ZNF445: variants seen among roughly 807,000 people sequenced by gnomAD.
ZNF445 encodes zinc finger protein 445, also known as zinc finger protein 168.
A neutral mutation model predicts 93.9 loss-of-function variants in ZNF445; 19 were observed. That is an observed-to-expected ratio of 0.20 (90% CI 0.14 to 0.30). The LOEUF (loss-of-function observed/expected upper bound fraction) is 0.30, where lower values mean the gene tolerates loss of function less well. ZNF445 is among the 10% of genes least tolerant of loss of function. The pLI is 1.00. For synonymous variants in ZNF445, 449 were observed against 446.3 expected (o/e 1.01, Z -0.08); for missense variants, 1,058 against 1,259.4 (o/e 0.84, Z 2.42).
chr3:44,456,384 T>C (rs1698028256), intron 2 of ZNF445, among the ~76,000 whole-genome samples: 1 of 151,868 alleles, frequency 6.6e-6, no homozygotes, highest in African/African-American at 2.4e-5. Context: ...GCCACTGCAC[T>C]CCAGCCTGGG....
rs564397740 is a variant in ZNF445, at chr3:44,440,346, T to C, written c.*6229A>G. 6.6e-6 allele frequency: 1 copy of C among 152,328 alleles called. No homozygotes were observed. The highest frequency in any genetic ancestry group is 1.9e-4 in the East Asian group (1 of 5,188). The allele number at this position is 152,328 out of a possible 1,614,324, so 9.4% of individuals were successfully genotyped here. A position where few individuals can be genotyped will look rare whatever the true frequency, so the allele number is the denominator to read the frequency against. On this transcript the variant is annotated 3_prime_UTR_variant, in exon 8 of 8. Coordinates refer to ENST00000396077, the MANE Select transcript of ZNF445 (RefSeq NM_181489.6). ...TAAAGTAGAATGAAAAACATCTCCA[T>C]CTTCTGGATCCCATTTCTTCATTAA...
rs1368193153 is a variant in ZNF445, at chr3:44,432,297, GT to G, written c.*14277del. 2 of 152,520 alleles carry G rather than the reference GT, an allele frequency of 1.3e-5. No individual in the cohort carries two copies. Among genetic ancestry groups the G allele is most frequent in the Admixed American group, 1.3e-4 (2 of 15,256 alleles). 9.4% of individuals were successfully genotyped at this position (152,520 alleles called of 1,614,324 possible). On this transcript the variant is annotated 3_prime_UTR_variant, in exon 8 of 8. Coordinates refer to ENST00000396077, the MANE Select transcript of ZNF445 (RefSeq NM_181489.6). The stretch of plus-strand genomic sequence containing the variant: ...TCTGTGTGTGTGTGTGTGTGTGTGT[GT>G]GTGTGTGTGTGGATGGAGATAGAGA...
At chr3:44,476,493 A>C (rs370575323) in intron 1 of ZNF445, among the ~76,000 whole-genome samples, 2 of 152,238 alleles carry the variant, frequency 1.3e-5, no homozygotes, top group Admixed American at 6.5e-5. Flanking sequence ...AGACACACAC[A>C]CAACACATGG....
At position 44,451,465 on chromosome 3, in the gene ZNF445, C is replaced by G. The variant is rs1437177028; in HGVS notation, c.447G>C (p.Gln149His). 6.2e-7 allele frequency: 1 copy of G among 1,608,202 alleles called. No individual in the cohort carries two copies. Among genetic ancestry groups the G allele is most frequent in the African/African-American group, 1.3e-5 (1 of 74,824 alleles). ...GTSWRDPGPA[Q>H]SPDVHWMGTG... The stretch of plus-strand genomic sequence containing the variant: ...TACCCATCCAATGCACATCTGGGCT[C>G]TGGGCAGGGCCCGGGTCCTGGCAAG... The change falls in exon 4 of 8, where the codon CAG becomes CAC. Residue 149 changes from glutamine (Q) to histidine (H), a missense_variant. Gln to His is a conservative substitution (Grantham distance 24). Around this residue, in one of 3 missense-constraint regions of ZNF445, gnomAD observed 657 missense variants for 746.4 expected, o/e 0.88. Coordinates refer to ENST00000396077, the MANE Select transcript of ZNF445 (RefSeq NM_181489.6).
chr3:44,470,097 C>CT (rs1050656715), intron 1 of ZNF445, among the ~76,000 whole-genome samples: 2 of 151,802 alleles, frequency 1.3e-5, no homozygotes, highest in Non-Finnish European at 1.5e-5. Flanking sequence ...CTCTGCCTGA[C>CT]TTTTTTTTAG....
At position 44,447,623 on chromosome 3, in the gene ZNF445, C is replaced by T; in HGVS notation, c.2048G>A (p.Cys683Tyr). 6.2e-7 allele frequency: 1 copy of T among 1,614,156 alleles called. No individual in the cohort carries two copies. Among genetic ancestry groups the T allele is most frequent in the Non-Finnish European group, 8.5e-7 (1 of 1,180,032 alleles). Residue 683 changes from cysteine (C) to tyrosine (Y), a missense_variant, in exon 8 of 8, where the codon TGT becomes TAT. By Grantham distance (194) the Cys-to-Tyr change is radical (BLOSUM62 -2). Around this residue, in one of 3 missense-constraint regions of ZNF445, gnomAD observed 387 missense variants for 475.7 expected, o/e 0.81. Transcript: ENST00000396077. This position sits in a 1 kb window ranked among gnomAD's most constrained non-coding sequence, Gnocchi z 4.7. ...GAPAVEKTFLCQQCGKTFTRK... is the reference protein window; with the variant it reads ...GAPAVEKTFLYQQCGKTFTRK... ...AGTAAAAGTTTTCCCACACTGCTGA[C>T]ACAGAAATGTTTTCTCCACAGCGGG...
In ZNF445 at chr3:44,434,758, T is replaced by C. The variant is rs1697641281; in HGVS notation, c.*11817A>G. The C allele has an allele frequency of 6.6e-6, 1 of 152,190 alleles. No individual in the cohort carries two copies. Among genetic ancestry groups the C allele is most frequent in the South Asian group, 2.1e-4 (1 of 4,832 alleles). 9.4% of individuals were successfully genotyped at this position (152,190 alleles called of 1,614,324 possible). A position where few individuals can be genotyped will look rare whatever the true frequency, so the allele number is the denominator to read the frequency against. On this transcript the variant is annotated 3_prime_UTR_variant, in exon 8 of 8. Transcript: ENST00000396077. ...GAGAAACATTCACCAGATGGGTAAC[T>C]GGGCAGCCAAGGGGATAATCGGATC...
intron 1 of ZNF445, among the ~76,000 whole-genome samples, chr3:44,461,459 G>A (rs1436849589): frequency 6.6e-6 from 1 of 152,154 alleles, no homozygotes. Context: ...ATCTCAGAGG[G>A]GTTGCTGATG....
chr3:44,453,034 C>A (rs1389139864), intron 3 of ZNF445, among the ~76,000 whole-genome samples: 1 of 151,798 alleles, frequency 6.6e-6, no homozygotes, highest in Non-Finnish European at 1.5e-5. Context: ...CTGCCTCAGC[C>A]TCCCAAGTAG....
intron 1 of ZNF445, among the ~76,000 whole-genome samples, chr3:44,461,451 C>A (rs1698113434): frequency 6.6e-6 from 1 of 152,132 alleles, no homozygotes; most frequent in Admixed American, 6.5e-5. Context: ...TGGAAGGGAT[C>A]TCAGAGGGGT....
At position 44,440,142 on chromosome 3, in the gene ZNF445, T is replaced by C. The variant is rs961760161; in HGVS notation, c.*6433A>G. On this transcript the variant is annotated 3_prime_UTR_variant, in exon 8 of 8. Transcript: ENST00000396077. ...CCTTGGCATTTTCTTCTTGCCTTTT[T>C]AGCTACTTAAATATAGTACACTTCT... The C allele has an allele frequency of 9.2e-5, 14 of 152,242 alleles. No homozygotes were observed. Among genetic ancestry groups the C allele is most frequent in the Admixed American group, 6.5e-5 (1 of 15,284 alleles). 9.4% of individuals were successfully genotyped at this position (152,242 alleles called of 1,614,324 possible).
In ZNF445 at chr3:44,447,074, T is replaced by C. The variant is rs369647462; in HGVS notation, c.2597A>G (p.Lys866Arg). 44 of 1,614,140 alleles carry C rather than the reference T, an allele frequency of 2.7e-5. No homozygotes were observed. Among genetic ancestry groups the C allele is most frequent in the Non-Finnish European group, 2.7e-5 (32 of 1,180,050 alleles). Reference sequence around the variant, plus strand: ...CCCACATAGATTACATTTATAGCGCTTCTCTCCACTGTGTATTCCCTTATG... The same window carrying C: ...CCCACATAGATTACATTTATAGCGCCTCTCTCCACTGTGTATTCCCTTATG... ...LDHKGIHSGE[K>R]RYKCNLCGKS... The change falls in exon 8 of 8, where the codon AAG becomes AGG. Residue 866 changes from lysine (K) to arginine (R), a missense_variant. By Grantham distance (26) the Lys-to-Arg change is conservative. Around this residue, in one of 3 missense-constraint regions of ZNF445, gnomAD observed 387 missense variants for 475.7 expected, o/e 0.81. Coordinates refer to ENST00000396077, the MANE Select transcript of ZNF445 (RefSeq NM_181489.6). The surrounding 1 kb of genome is among the most constrained non-coding windows in gnomAD (Gnocchi z 4.7).
At position 44,437,941 on chromosome 3, in the gene ZNF445, AG is replaced by A. The variant is rs1274369116; in HGVS notation, c.*8633del. The A allele has an allele frequency of 1.3e-5, 2 of 152,848 alleles. No individual in the cohort carries two copies. The highest frequency in any genetic ancestry group is 2.9e-5 in the Non-Finnish European group (2 of 68,024). The allele number at this position is 152,848 out of a possible 1,614,324, so 9.5% of individuals were successfully genotyped here. A position where few individuals can be genotyped will look rare whatever the true frequency, so the allele number is the denominator to read the frequency against. On this transcript the variant is annotated 3_prime_UTR_variant, in exon 8 of 8. Transcript: ENST00000396077. ...GCCTAACTTTCTGAGAATGCAGGCC[AG>A]TAAGTCTCAGCCTCATTTTCCCAGC...
chr3:44,432,913 CTTCCTT>C lies in ZNF445; in HGVS notation c.*13656_*13661del, dbSNP rs924566612. On this transcript the variant is annotated 3_prime_UTR_variant, in exon 8 of 8. Coordinates refer to ENST00000396077, the MANE Select transcript of ZNF445 (RefSeq NM_181489.6). ...CAACCCATGGATTCCTTTGTGTCTGCTTCCTTTTCATTAAAATTCTGCTCATGGATT... is the reference window on the plus strand; with the variant it reads ...CAACCCATGGATTCCTTTGTGTCTGCTTCATTAAAATTCTGCTCATGGATT... The C allele has an allele frequency of 1.3e-5, 2 of 152,192 alleles. No homozygotes were observed. Among genetic ancestry groups the C allele is most frequent in the African/African-American group, 4.8e-5 (2 of 41,422 alleles). 9.4% of individuals were successfully genotyped at this position (152,192 alleles called of 1,614,324 possible).
chr3:44,455,090 C>T (rs1698009476), intron 3 of ZNF445, 31 bp downstream of exon 3: 1 of 1,613,484 alleles, frequency 6.2e-7, no homozygotes, highest in South Asian at 1.1e-5. Flanking sequence ...AGGCAGAGTT[C>T]CCTGGGCACC....
chr3:44,452,188 A>C (rs1697966800), intron 3 of ZNF445, among the ~76,000 whole-genome samples: 1 of 152,124 alleles, frequency 6.6e-6, no homozygotes, highest in Non-Finnish European at 1.5e-5. Context: ...AGTACAGGAA[A>C]CTACAATTTG....
Position 44,447,852 on chromosome 3 carries a change from G to A in ZNF445, c.1819C>T (p.His607Tyr). The A allele has an allele frequency of 6.2e-7, 1 of 1,614,076 alleles. No homozygotes were observed. Among genetic ancestry groups the A allele is most frequent in the Non-Finnish European group, 8.5e-7 (1 of 1,180,036 alleles). Residue 607 changes from histidine to tyrosine, a missense_variant, in exon 8 of 8, where the codon CAC becomes TAC. Physicochemically the swap from His to Tyr is moderately conservative, Grantham distance 83. Transcript: ENST00000396077. The surrounding 1 kb of genome is among the most constrained non-coding windows in gnomAD (Gnocchi z 4.7). ...FDCSQCRKSF[H>Y]CKSYVLEHQR... ...TGTTCAAGAACATATGACTTACAGT[G>A]GAAGGATTTCCTGCACTGGCTGCAG...
At chr3:44,457,124 G>A (rs536899736) in intron 2 of ZNF445, among the ~76,000 whole-genome samples, 23 of 152,284 alleles carry the variant, frequency 1.5e-4, no homozygotes, top group African/African-American at 2.2e-4. Flanking sequence ...GTAACAGAGC[G>A]AGACTCCATC....
intron 2 of ZNF445, among the ~76,000 whole-genome samples, chr3:44,457,348 T>C (rs1420156736): frequency 6.6e-6 from 1 of 152,058 alleles, no homozygotes; most frequent in Admixed American, 6.6e-5. Flanking sequence ...CATGGCTCAC[T>C]GCAGACTCAA....
Sources: gnomAD v4.1 joint callset for allele counts (sites outside exome capture counted in the v4.1 genomes callset) on GRCh38, gnomAD v4.1.1 for gene constraint, gnomAD v4.1.1 regional missense constraint, Gnocchi (gnomAD v3.1) non-coding constraint, MANE v1.5 for transcripts, NCBI Gene and HGNC (gene_info 2026-07-23, HGNC 2026-07-21) for gene names.